AFAP1L1: variants seen among roughly 807,000 people sequenced by gnomAD.
AFAP1L1 encodes actin filament-associated protein 1-like 1.
In AFAP1L1, 77 loss-of-function variants were observed where a neutral mutation model predicts 99.8. The observed-to-expected ratio is 0.77, with a 90% CI of 0.64 to 0.93. The LOEUF is 0.93. Ranked by LOEUF, AFAP1L1 falls within the 40% of genes least tolerant of loss-of-function variation. The pLI, the probability that AFAP1L1 is intolerant of heterozygous loss-of-function variation, is 0.00. For missense variants in AFAP1L1, 893 were observed against 996.8 expected, an observed-to-expected ratio of 0.90 and a Z score of 1.40; for synonymous variants, 373 against 395.3, an observed-to-expected ratio of 0.94 and a Z score of 0.67.
rs1554102069 is a variant in AFAP1L1 at position 149,306,355 on chromosome 5, A to C, written c.486A>C (p.Ala162=). Residue 162 remains alanine, a synonymous_variant, in exon 6 of 19, where the codon GCA becomes GCC. Transcript: ENST00000296721. ...HSIVDGYYED[A]DSSYPATRVN... ...TTGTGGATGGCTACTATGAGGACGC[A>C]GACAGCAGCTACCCTGCAACCAGGG... The C allele has an allele frequency of 1.2e-6, 2 of 1,613,638 alleles. No homozygotes were observed. The highest frequency in any genetic ancestry group is 8.5e-7 in the Non-Finnish European group (1 of 1,179,814).
intron 18 of AFAP1L1, 61 bp from the exon 19 acceptor site, chr5:149,339,946 T>C: frequency 6.3e-7 from 1 of 1,597,466 alleles, no homozygotes; most frequent in South Asian, 1.1e-5. Context: ...GTGAAATCTC[T>C]TTATCCATGT....
At chr5:149,273,995 G>C (rs1755226707) in intron 1 of AFAP1L1, among the ~76,000 whole-genome samples, 1 of 152,142 alleles carries the variant, frequency 6.6e-6, no homozygotes, top group Non-Finnish European at 1.5e-5. Context: ...TGCCTCCAGA[G>C]CACTCTTCCT....
chr5:149,336,054 T>C (rs1757397542), intron 18 of AFAP1L1, among the ~76,000 whole-genome samples: 1 of 152,166 alleles, frequency 6.6e-6, no homozygotes, highest in Admixed American at 6.5e-5. Context: ...AAGGTATCAC[T>C]GCAAAAGCAA....
chr5:149,285,885 T>C (rs913000091), intron 1 of AFAP1L1, among the ~76,000 whole-genome samples: 1 of 152,138 alleles, frequency 6.6e-6, no homozygotes, highest in Non-Finnish European at 1.5e-5. Context: ...TGTGGTCCTT[T>C]CTATGAATTC....
At chr5:149,332,389 C>T (rs565259434) in intron 16 of AFAP1L1, among the ~76,000 whole-genome samples, 118 of 111,078 alleles carry the variant, frequency 1.1e-3, no homozygotes, top group South Asian at 6.0e-3. Flanking sequence ...GAGCGAGACT[C>T]CGTCTCAAAA....
intron 7 of AFAP1L1, among the ~76,000 whole-genome samples, chr5:149,308,166 C>A (rs1232420864): frequency 6.6e-6 from 1 of 151,868 alleles, no homozygotes; most frequent in Non-Finnish European, 1.5e-5. Context: ...AAAAAAAAGA[C>A]CTGATACAGG....
rs533485095 is a variant in AFAP1L1, at chr5:149,322,628, C to G, written c.1721C>G (p.Thr574Arg). The G allele has an allele frequency of 1.9e-6, 3 of 1,585,336 alleles. No individual in the cohort carries two copies. Among genetic ancestry groups the G allele is most frequent in the Admixed American group, 3.6e-5 (2 of 56,336 alleles). ...KMQDEEPERP[T>R]GAQVKRHASS... is the part of the protein sequence containing the mutation. ...CAGGACGAGGAGCCCGAGCGCCCCA[C>G]AGGGGCCCAGGTGAAGCGTCACGCC... The change falls in exon 15 of 19, where the codon ACA becomes AGA. Residue 574 changes from threonine to arginine, a missense_variant. By Grantham distance (71) the Thr-to-Arg change is moderately conservative. Coordinates refer to ENST00000296721, the MANE Select transcript of AFAP1L1 (RefSeq NM_152406.4).
chr5:149,280,405 C>G (rs762478841), intron 1 of AFAP1L1, among the ~76,000 whole-genome samples: 1 of 152,170 alleles, frequency 6.6e-6, no homozygotes, highest in African/African-American at 2.4e-5. Flanking sequence ...AGAATCACCC[C>G]CTGTGGAGCC....
In AFAP1L1 at chr5:149,335,331, T is replaced by C. The variant is rs138999351; in HGVS notation, c.2155-263T>C. Among the ~76,000 whole-genome samples the C allele has an allele frequency of 8.2e-3, 1,245 of 152,028 alleles. 5 individuals are homozygous for C. The highest frequency in any genetic ancestry group is 0.031 in the Middle Eastern group (9 of 294). Reference sequence around the variant, plus strand: ...AGTGAAACCCCATCTCTACTAAAAATACAAAAATTAGCCAGGCCTGGTGGT... The same window carrying C: ...AGTGAAACCCCATCTCTACTAAAAACACAAAAATTAGCCAGGCCTGGTGGT... On this transcript the variant is annotated intron_variant, in intron 17 of 18. Coordinates refer to ENST00000296721, the MANE Select transcript of AFAP1L1 (RefSeq NM_152406.4).
At chr5:149,332,936 C>A (rs953538852) in intron 17 of AFAP1L1, 63 bp downstream of exon 17, 2 of 1,451,120 alleles carry the variant, frequency 1.4e-6, no homozygotes, top group African/African-American at 2.9e-5. Flanking sequence ...CACTACAGAT[C>A]TCTTCTTCAT....
At chr5:149,283,224 G>C (rs1014891652) in intron 1 of AFAP1L1, among the ~76,000 whole-genome samples, 3 of 152,264 alleles carry the variant, frequency 2.0e-5, no homozygotes, top group Non-Finnish European at 2.9e-5. Flanking sequence ...AGCAGAACAC[G>C]GACATATTTC....
At chr5:149,325,190 A>G (rs1312723267) in intron 15 of AFAP1L1, among the ~76,000 whole-genome samples, 2 of 152,262 alleles carry the variant, frequency 1.3e-5, no homozygotes, top group Non-Finnish European at 2.9e-5. Flanking sequence ...CATTTACTCT[A>G]GAAAATTTGC....
At chr5:149,299,484 T>G (rs1756118640) in intron 1 of AFAP1L1, 25 bp from the exon 2 acceptor site, 1 of 1,613,400 alleles carries the variant, frequency 6.2e-7, no homozygotes, top group Non-Finnish European at 8.5e-7. Context: ...CAGCTGTGAC[T>G]GTGCCCGTCT....
chr5:149,308,946 A>AT (rs1310062987), intron 7 of AFAP1L1, among the ~76,000 whole-genome samples: 1 of 152,026 alleles, frequency 6.6e-6, no homozygotes, highest in Non-Finnish European at 1.5e-5. Flanking sequence ...AAAAAAAAAA[A>AT]ACCAATGTTT....
At chr5:149,300,003 T>A (rs906500478) in intron 2 of AFAP1L1, among the ~76,000 whole-genome samples, 1 of 152,026 alleles carries the variant, frequency 6.6e-6, no homozygotes, top group African/African-American at 2.4e-5. Context: ...ACCTGACACA[T>A]GACATGCACA....
chr5:149,305,889 C>T (rs971053155), intron 5 of AFAP1L1, among the ~76,000 whole-genome samples: 4 of 148,684 alleles, frequency 2.7e-5, no homozygotes, highest in Admixed American at 2.7e-4. Flanking sequence ...CACACACACA[C>T]ACACACACAC....
rs1757553744 is a variant in AFAP1L1, at chr5:149,341,236, T to G, written c.*1206T>G. 6.6e-6 allele frequency: 1 copy of G among 152,218 alleles called. No individual in the cohort carries two copies. Among genetic ancestry groups the G allele is most frequent in the East Asian group, 1.9e-4 (1 of 5,198 alleles). The allele number at this position is 152,218 out of a possible 1,614,324, so 9.4% of individuals were successfully genotyped here. The stretch of plus-strand genomic sequence containing the variant: ...CACTTTGCTATAGGGGTTACATATT[T>G]TAACCCACCTAAGGTTTTACAGACT... On this transcript the variant is annotated 3_prime_UTR_variant, in exon 19 of 19. Transcript: ENST00000296721.
At chr5:149,302,551 G>A (rs561227995) in intron 5 of AFAP1L1, 25 bp downstream of exon 5, 2 of 1,546,756 alleles carry the variant, frequency 1.3e-6, no homozygotes, top group Non-Finnish European at 8.8e-7. Context: ...TCTTGGTGGG[G>A]CTGGGGACTT....
chr5:149,335,810 T>C, intron 18 of AFAP1L1, 88 bp downstream of exon 18: 2 of 1,538,340 alleles, frequency 1.3e-6, no homozygotes, highest in South Asian at 1.2e-5. Context: ...AATCAACTAG[T>C]GAGAAAGGTA....
Sources: gnomAD v4.1 joint callset for allele counts (sites outside exome capture counted in the v4.1 genomes callset) on GRCh38, gnomAD v4.1.1 for gene constraint, MANE v1.5 for transcripts, NCBI Gene and HGNC (gene_info 2026-07-23, HGNC 2026-07-21) for gene names.